UBE4B: variants seen among roughly 807,000 people sequenced by gnomAD.
The protein encoded by UBE4B is ubiquitin conjugation factor E4 B.
A neutral mutation model predicts 148.1 loss-of-function variants in UBE4B; 27 were observed. That is an observed-to-expected ratio of 0.18 (90% CI 0.13 to 0.25). The LOEUF is 0.25. Ranked by LOEUF, UBE4B falls within the 10% of genes least tolerant of loss-of-function variation. The probability of loss-of-function intolerance (pLI) is 1.00; values close to 1 mark genes in which losing one functional copy is unlikely to be tolerated. For missense variants in UBE4B, 1,170 were observed against 1,662.4 expected, an observed-to-expected ratio of 0.70 and a Z score of 5.15; for synonymous variants, 596 against 619.3, an observed-to-expected ratio of 0.96 and a Z score of 0.56.
At chr1:10,117,899 A>G (rs1334186802) in intron 8 of UBE4B, among the ~76,000 whole-genome samples, 7 of 152,194 alleles carry the variant, frequency 4.6e-5, no homozygotes, top group Admixed American at 3.9e-4. Context: ...TATGGCCCTG[A>G]TAATTCTACT....
At chr1:10,082,319 C>T (rs1644695277) in intron 2 of UBE4B, among the ~76,000 whole-genome samples, 1 of 151,682 alleles carries the variant, frequency 6.6e-6, no homozygotes, top group Admixed American at 6.6e-5. Flanking sequence ...GACAACATAG[C>T]GAGACGTTAC....
At chr1:10,083,969 A>G (rs1337744669) in intron 2 of UBE4B, among the ~76,000 whole-genome samples, 1 of 152,054 alleles carries the variant, frequency 6.6e-6, no homozygotes, top group African/African-American at 2.4e-5. Flanking sequence ...GAATCAATAC[A>G]CTTCCTGTTT....
chr1:10,168,226 T>G lies in UBE4B; in HGVS notation c.3289T>G (p.Phe1097Val). The G allele has an allele frequency of 6.2e-7, 1 of 1,614,162 alleles. No homozygotes were observed. Among genetic ancestry groups the G allele is most frequent in the South Asian group, 1.1e-5 (1 of 91,082 alleles). The change falls in exon 24 of 28, where the codon TTC becomes GTC. Residue 1097 changes from phenylalanine (F) to valine (V), a missense_variant. Physicochemically the swap from Phe to Val is conservative, Grantham distance 50 (BLOSUM62 -1). Transcript: ENST00000343090. The surrounding 1 kb of genome is among the most constrained non-coding windows in gnomAD (Gnocchi z 4.9). The part of the protein sequence containing the change: ...LALATETVDM[F>V]HILTKQVQKP... Reference sequence around the variant, plus strand: ...CCTGGCCACCGAAACCGTGGACATGTTCCACATCCTCACGAAGCAGGTCCA... The same window carrying G: ...CCTGGCCACCGAAACCGTGGACATGGTCCACATCCTCACGAAGCAGGTCCA...
At chr1:10,116,416 T>C (rs1224775441) in intron 7 of UBE4B, among the ~76,000 whole-genome samples, 1 of 152,204 alleles carries the variant, frequency 6.6e-6, no homozygotes. Flanking sequence ...GTGCTGGGAT[T>C]ACAGGCATGA....
chr1:10,175,478 C>A (rs866874389), intron 25 of UBE4B, among the ~76,000 whole-genome samples: 1 of 147,798 alleles, frequency 6.8e-6, no homozygotes, highest in Admixed American at 6.6e-5. Flanking sequence ...GGTGAAACCC[C>A]ATCTCTACTA....
chr1:10,093,367 C>A (rs780923562), intron 2 of UBE4B, among the ~76,000 whole-genome samples: 1 of 152,046 alleles, frequency 6.6e-6, no homozygotes, highest in Non-Finnish European at 1.5e-5. Flanking sequence ...ATTAATGAAT[C>A]AAAAGTTTTA....
chr1:10,157,916 A>C (rs1646100085), intron 21 of UBE4B, among the ~76,000 whole-genome samples: 2 of 152,178 alleles, frequency 1.3e-5, no homozygotes, highest in African/African-American at 4.8e-5. Flanking sequence ...GTGTTTTTTC[A>C]ACACCAAAAA....
rs1643871629 is a variant in UBE4B, at chr1:10,044,233, T to C, written c.24+10539T>C. Reference sequence around the variant, plus strand: ...CATGCCCGGCTAATTTTTGTATTTTTAGCGGAGACGGGGTTTTACTCTTGT... The same window carrying C: ...CATGCCCGGCTAATTTTTGTATTTTCAGCGGAGACGGGGTTTTACTCTTGT... On this transcript the variant is annotated intron_variant, in intron 1 of 27. Transcript: ENST00000343090. Among the ~76,000 whole-genome samples the C allele has an allele frequency of 2.6e-5, 4 of 152,054 alleles. No individual in the cohort carries two copies. The South Asian group carries it at 8.3e-4, about 32-fold the overall frequency.
intron 2 of UBE4B, among the ~76,000 whole-genome samples, chr1:10,091,985 G>T (rs1570868897): frequency 6.6e-6 from 1 of 152,128 alleles, no homozygotes; most frequent in African/African-American, 2.4e-5. Flanking sequence ...CTGGCCTCAA[G>T]TGATCCTCTC....
chr1:10,061,021 C>T (rs1190481804), intron 1 of UBE4B, among the ~76,000 whole-genome samples: 1 of 152,102 alleles, frequency 6.6e-6, no homozygotes, highest in Non-Finnish European at 1.5e-5. Context: ...GCTAGGATTA[C>T]AGGTGTAAGC....
chr1:10,065,592 T>G (rs1165301087), intron 1 of UBE4B, among the ~76,000 whole-genome samples: 1 of 152,214 alleles, frequency 6.6e-6, no homozygotes, highest in Non-Finnish European at 1.5e-5. Context: ...GCTCTGCCTC[T>G]TGCCCTTTGC....
At chr1:10,055,796 C>A (rs562954810) in intron 1 of UBE4B, among the ~76,000 whole-genome samples, 1 of 151,890 alleles carries the variant, frequency 6.6e-6, no homozygotes, top group Non-Finnish European at 1.5e-5. Context: ...AGCACGTGCC[C>A]GTAGTCCCAG....
chr1:10,037,418 GC>G (rs1643583138), intron 1 of UBE4B, among the ~76,000 whole-genome samples: 1 of 152,112 alleles, frequency 6.6e-6, no homozygotes, highest in South Asian at 2.1e-4. Context: ...ATAGTTCACT[GC>G]CTATAGGTTC....
chr1:10,034,593 C>T (rs753571265), intron 1 of UBE4B, among the ~76,000 whole-genome samples: 1 of 152,192 alleles, frequency 6.6e-6, no homozygotes, highest in Non-Finnish European at 1.5e-5. Flanking sequence ...AGGACCCCTA[C>T]TGGCCATACC....
intron 1 of UBE4B, among the ~76,000 whole-genome samples, chr1:10,037,324 G>A (rs756405907): frequency 2.2e-4 from 34 of 152,092 alleles, no homozygotes; most frequent in Non-Finnish European, 4.3e-4. Flanking sequence ...ACTGTGCCCG[G>A]TAGTCTTGTG....
chr1:10,149,632 C>G (rs994438919), intron 20 of UBE4B, among the ~76,000 whole-genome samples: 19 of 152,128 alleles, frequency 1.2e-4, no homozygotes, highest in Non-Finnish European at 4.4e-5. Context: ...ATATTTTGTA[C>G]TAAAATTTGT....
chr1:10,051,537 C>T (rs1388007791), intron 1 of UBE4B, among the ~76,000 whole-genome samples: 4 of 152,072 alleles, frequency 2.6e-5, no homozygotes, highest in African/African-American at 9.7e-5. Context: ...GAATCCTCTC[C>T]CCCGACCCAT....
chr1:10,036,432 A>G (rs745391284), intron 1 of UBE4B, among the ~76,000 whole-genome samples: 26 of 152,314 alleles, frequency 1.7e-4, no homozygotes, highest in Non-Finnish European at 3.1e-4. Context: ...GGGCTGGTTC[A>G]ATAACTGTTA....
At chr1:10,041,275 A>G (rs548167168) in intron 1 of UBE4B, among the ~76,000 whole-genome samples, 68 of 147,284 alleles carry the variant, frequency 4.6e-4, no homozygotes, top group Non-Finnish European at 8.4e-4. Context: ...AGAGTTTTCT[A>G]TCGCTTTACT....
Sources: allele counts gnomAD v4.1 joint callset (sites outside exome capture counted in the v4.1 genomes callset), GRCh38; gene constraint gnomAD v4.1.1; non-coding constraint Gnocchi (gnomAD v3.1); transcripts MANE v1.5; gene names NCBI Gene and HGNC (gene_info 2026-07-23, HGNC 2026-07-21).